MAP3K1: variants seen among roughly 807,000 people sequenced by gnomAD.
MAP3K1 encodes the protein mitogen-activated protein kinase kinase kinase 1.
Under a neutral mutation model 144.2 loss-of-function variants are expected in MAP3K1, and 36 were observed. That is an observed-to-expected ratio of 0.25 (90% CI 0.19 to 0.33). The LOEUF is 0.33. MAP3K1 is among the 10% of genes least tolerant of loss of function. MAP3K1 has a pLI of 1.00. For missense variants in MAP3K1, 1,650 were observed against 1,881.9 expected, an observed-to-expected ratio of 0.88 and a Z score of 2.28; for synonymous variants, 718 against 688.7, an observed-to-expected ratio of 1.04 and a Z score of -0.67.
At chr5:56,818,835 TTAAAAC>T (rs1296740355) in intron 1 of MAP3K1, among the ~76,000 whole-genome samples, 9 of 152,240 alleles carry the variant, frequency 5.9e-5, no homozygotes, top group Non-Finnish European at 1.3e-4. Context: ...TAGTTTTTGT[TTAAAAC>T]TAAAGGTATT....
chr5:56,860,108 C>G (rs1488630052), intron 3 of MAP3K1, among the ~76,000 whole-genome samples, 193 bp downstream of exon 3: 1 of 151,934 alleles, frequency 6.6e-6, no homozygotes, highest in Non-Finnish European at 1.5e-5. Flanking sequence ...TGTGATAAAA[C>G]TGGGATGTTG....
At chr5:56,852,496 A>G (rs910642350) in intron 1 of MAP3K1, among the ~76,000 whole-genome samples, 1 of 152,208 alleles carries the variant, frequency 6.6e-6, no homozygotes, top group African/African-American at 2.4e-5. Context: ...AGGAATGTCT[A>G]GAAACCAAAA....
intron 1 of MAP3K1, among the ~76,000 whole-genome samples, chr5:56,832,560 A>G (rs928317018): frequency 6.6e-6 from 1 of 152,238 alleles, no homozygotes; most frequent in Non-Finnish European, 1.5e-5. Context: ...TATCCTGGCA[A>G]GGTGGTAGCA....
At position 56,882,810 on chromosome 5, in the gene MAP3K1, A is replaced by G. The variant is rs368673262; in HGVS notation, c.3610A>G (p.Ile1204Val). 29 of 1,612,536 alleles carry G rather than the reference A, an allele frequency of 1.8e-5. No individual in the cohort carries two copies. The highest frequency in any genetic ancestry group is 2.2e-5 in the Non-Finnish European group (26 of 1,179,608). ...GTCAGCGTCTCAGGATGCCCTCCCC[A>G]TAGTTCCTCAGCTGCAGGTTGAAAA... ...AMSASQDALP[I>V]VPQLQVENGE... Residue 1204 changes from isoleucine to valine, a missense_variant, in exon 14 of 20, where the codon ATA (isoleucine) becomes GTA (valine). Ile to Val is a conservative substitution (Grantham distance 29). Around this residue, in one of 6 missense-constraint regions of MAP3K1, gnomAD observed 841 missense variants for 886.5 expected, o/e 0.95. Transcript: ENST00000399503.
chr5:56,881,947 G>C lies in MAP3K1; in HGVS notation c.2747G>C (p.Cys916Ser). ...VHLEKTGKGL[C>S]ATKLSASSED... is the part of the protein sequence containing the mutation. ...TTAGAGAAAACTGGAAAAGGATTAT[G>C]TGCTACAAAATTGAGTGCCAGTTCA... Residue 916 changes from cysteine to serine, a missense_variant, in exon 14 of 20, where the codon TGT (cysteine) becomes TCT (serine). Cys to Ser is a moderately radical substitution (Grantham distance 112, BLOSUM62 -1). Coordinates refer to ENST00000399503, the MANE Select transcript of MAP3K1 (RefSeq NM_005921.2). 1 of 1,614,086 alleles carries C rather than the reference G, an allele frequency of 6.2e-7. No homozygotes were observed. The highest frequency in any genetic ancestry group is 8.5e-7 in the Non-Finnish European group (1 of 1,180,020).
intron 16 of MAP3K1, 109 bp from the exon 17 acceptor site, chr5:56,885,822 GT>G: frequency 1.2e-6 from 1 of 868,750 alleles, no homozygotes; most frequent in Non-Finnish European, 1.9e-6. Context: ...TTTTTCTTCT[GT>G]TTCAGATGTG....
intron 19 of MAP3K1, among the ~76,000 whole-genome samples, chr5:56,889,189 G>C (rs1014360827): frequency 7.9e-5 from 12 of 152,076 alleles, no homozygotes; most frequent in African/African-American, 2.9e-4. Context: ...TTGTTTTTGA[G>C]ACAGAGTCTC....
At chr5:56,820,849 C>T (rs1438741925) in intron 1 of MAP3K1, 3 of 943,610 alleles carry the variant, frequency 3.2e-6, no homozygotes, top group Admixed American at 6.2e-5. Context: ...TTCACAATAC[C>T]GTGTTAAGTG....
chr5:56,825,788 GCCACTGTCAAC>G (rs1746294418), intron 1 of MAP3K1, among the ~76,000 whole-genome samples: 2 of 152,082 alleles, frequency 1.3e-5, no homozygotes, highest in Admixed American at 6.6e-5. Context: ...CCAGGGTCAG[GCCACTGTCAAC>G]CCACTGTCAA....
Position 56,875,294 on chromosome 5 carries a change from T to G in MAP3K1, c.1949T>G (p.Val650Gly), listed in dbSNP as rs1208784813. Reference protein sequence around the residue: ...SMVCADPVYKVYVAALKTLRA... With the variant: ...SMVCADPVYKGYVAALKTLRA... Reference sequence around the variant, plus strand: ...GTCTGTGCTGACCCTGTCTACAAAGTGTACGTTGCTGCTTTAGTAAGTAGC... The same window carrying G: ...GTCTGTGCTGACCCTGTCTACAAAGGGTACGTTGCTGCTTTAGTAAGTAGC... The change falls in exon 10 of 20, where the codon GTG (valine) becomes GGG (glycine). Residue 650 changes from valine (V) to glycine (G), a missense_variant. Val to Gly is a moderately radical substitution (Grantham distance 109). Coordinates refer to ENST00000399503, the MANE Select transcript of MAP3K1 (RefSeq NM_005921.2). 1 of 1,613,972 alleles carries G rather than the reference T, an allele frequency of 6.2e-7. No homozygotes were observed. Among genetic ancestry groups the G allele is most frequent in the Non-Finnish European group, 8.5e-7 (1 of 1,180,032 alleles).
At chr5:56,857,615 T>G (rs138269203) in intron 2 of MAP3K1, among the ~76,000 whole-genome samples, 22 of 152,320 alleles carry the variant, frequency 1.4e-4, no homozygotes, top group African/African-American at 3.8e-4. Context: ...ACATTTAAAT[T>G]AATTAGATGT....
Position 56,875,384 on chromosome 5 carries a change from A to C in MAP3K1, c.1965+74A>C, listed in dbSNP as rs530861968. 2.6e-6 allele frequency: 4 copies of C among 1,513,804 alleles called. No homozygotes were observed. In the East Asian group the frequency reaches 9.1e-5, roughly 34 times the overall value. The allele number at this position is 1,513,804 out of a possible 1,614,324, so 93.8% of individuals were successfully genotyped here. ...TGATGGTTCGTAGATAGTGTTTTTA[A>C]GATACAATAAAGCTACTTTACCTAA... On this transcript the variant is annotated intron_variant, in intron 10 of 19. Transcript: ENST00000399503.
At position 56,882,137 on chromosome 5, in the gene MAP3K1, G is replaced by A. The variant is rs1421356880; in HGVS notation, c.2937G>A (p.Met979Ile). The A allele has an allele frequency of 1.2e-6, 2 of 1,613,926 alleles. No individual in the cohort carries two copies. The highest frequency in any genetic ancestry group is 8.5e-7 in the Non-Finnish European group (1 of 1,180,022). ...SSPLSHHSQL[M>I]FPALSTPSSS... ...CTTTATCTCATCATTCCCAATTAAT[G>A]TTTCCAGCCTTGTCAACCCCTTCTT... The change falls in exon 14 of 20, where the codon ATG (methionine) becomes ATA (isoleucine). Residue 979 changes from methionine (M) to isoleucine (I), a missense_variant. By Grantham distance (10) the Met-to-Ile change is conservative. This residue lies in a region of MAP3K1 where 841 missense variants were observed against 886.5 expected (regional missense o/e 0.95). Coordinates refer to ENST00000399503, the MANE Select transcript of MAP3K1 (RefSeq NM_005921.2).
chr5:56,841,977 T>C (rs1444185651), intron 1 of MAP3K1: 1 of 152,228 alleles, frequency 6.6e-6, no homozygotes, highest in Non-Finnish European at 1.5e-5. Context: ...ATGGAATACA[T>C]TAGATAATAG....
At chr5:56,848,653 T>C (rs1375852652) in intron 1 of MAP3K1, among the ~76,000 whole-genome samples, 4 of 152,248 alleles carry the variant, frequency 2.6e-5, no homozygotes, top group African/African-American at 9.6e-5. Flanking sequence ...TATGTTTCTA[T>C]ACTGTGTTCT....
rs1370432142 is a variant in MAP3K1, at chr5:56,859,882, A to C, written c.801A>C (p.Pro267=). The C allele has an allele frequency of 1.9e-6, 3 of 1,613,286 alleles. No homozygotes were observed. The African/African-American group carries it at 4.0e-5, about 22-fold the overall frequency. ...GTCGCACAGTGAAATCAGAATCTCC[A>C]GGAGTAAGGAGAAAAAGAGTTTCCC... ...PSGRTVKSES[P]GVRRKRVSPV... is the part of the protein sequence containing the mutation. The change falls in exon 3 of 20, where the codon CCA becomes CCC. Residue 267 remains proline, a synonymous_variant. Transcript: ENST00000399503.
rs1416272340 is a variant in MAP3K1 at position 56,872,988 on chromosome 5, G to T, written c.1669G>T (p.Ala557Ser). Residue 557 changes from alanine (A) to serine (S), a missense_variant, in exon 9 of 20, where the codon GCT (alanine) becomes TCT (serine). Around this residue, in one of 6 missense-constraint regions of MAP3K1, gnomAD observed 841 missense variants for 886.5 expected, o/e 0.95. Coordinates refer to ENST00000399503, the MANE Select transcript of MAP3K1 (RefSeq NM_005921.2). ...QQIPPAYKDL[A>S]EPWIQVFGME... ...AATCCCTCCTGCTTACAAAGATTTA[G>T]CTGAGCCATGGATTCAGGTAAGTAG... 6.2e-7 allele frequency: 1 copy of T among 1,613,856 alleles called. No homozygotes were observed. The highest frequency in any genetic ancestry group is 1.1e-5 in the South Asian group (1 of 91,056).
At position 56,881,631 on chromosome 5, in the gene MAP3K1, A is replaced by G. The variant is rs189290632; in HGVS notation, c.2431A>G (p.Met811Val). 2.5e-4 allele frequency: 399 copies of G among 1,613,972 alleles called. No homozygotes were observed. Among genetic ancestry groups the G allele is most frequent in the Admixed American group, 8.5e-4 (51 of 60,002 alleles). ...ALQSIDNSHSMVGKLSRRIYL... is the reference protein window; with the variant it reads ...ALQSIDNSHSVVGKLSRRIYL... ...GCAGTCCATTGATAATTCCCACTCA[A>G]TGGTTGGCAAACTTTCCAGAAGGAT... The change falls in exon 14 of 20, where the codon ATG becomes GTG. Residue 811 changes from methionine to valine, a missense_variant. Around this residue, in one of 6 missense-constraint regions of MAP3K1, gnomAD observed 841 missense variants for 886.5 expected, o/e 0.95. Coordinates refer to ENST00000399503, the MANE Select transcript of MAP3K1 (RefSeq NM_005921.2).
At chr5:56,824,941 ATT>A (rs869062131) in intron 1 of MAP3K1, among the ~76,000 whole-genome samples, 19 of 140,786 alleles carry the variant, frequency 1.3e-4, no homozygotes, top group South Asian at 2.3e-4. Flanking sequence ...TTTAAAAAAA[ATT>A]TTTATTTTTT....
Sources: allele counts gnomAD v4.1 joint callset (sites outside exome capture counted in the v4.1 genomes callset), GRCh38; gene constraint gnomAD v4.1.1; regional missense constraint gnomAD v4.1.1; transcripts MANE v1.5; gene names NCBI Gene and HGNC (gene_info 2026-07-23, HGNC 2026-07-21).